Variants in ARHGAP31 observed in about 807,000 individuals in gnomAD.
The protein encoded by ARHGAP31 is rho GTPase-activating protein 31.
Under a neutral mutation model 113.9 loss-of-function variants are expected in ARHGAP31, and 34 were observed. The observed-to-expected ratio is 0.30, with a 90% CI of 0.23 to 0.40. ARHGAP31 has a LOEUF of 0.40. Among genes scored for constraint, ARHGAP31 ranks in the 10% least tolerant of loss-of-function variants. ARHGAP31 has a pLI of 1.00. For synonymous variants in ARHGAP31, 650 were observed against 684.8 expected (o/e 0.95, Z 0.79); for missense variants, 1,548 against 1,767.1 (o/e 0.88, Z 2.22).
At chr3:119,400,586 A>C (rs727905) in intron 9 of ARHGAP31, among the ~76,000 whole-genome samples, 126,476 of 152,214 alleles carry the variant, frequency 0.83, 52,803 homozygotes, top group African/African-American at 0.91. Context: ...CTTGGCAGTT[A>C]TTGCCCAGTT....
rs1216626435 is a variant in ARHGAP31, at chr3:119,415,260, C to A, written c.3331C>A (p.Pro1111Thr). Residue 1111 changes from proline to threonine, a missense_variant, in exon 12 of 12, where the codon CCT becomes ACT. Coordinates refer to ENST00000264245, the MANE Select transcript of ARHGAP31 (RefSeq NM_020754.4). ...CAGGCCTTCTTCCCTCAACTTGGAC[C>A]CTGCCATTCCCATTGCTGACCTCTT... ...KNRPSSLNLD[P>T]AIPIADLFWF... The A allele has an allele frequency of 6.2e-7, 1 of 1,614,186 alleles. No individual in the cohort carries two copies. Among genetic ancestry groups the A allele is most frequent in the Middle Eastern group, 1.6e-4 (1 of 6,062 alleles).
intron 1 of ARHGAP31, among the ~76,000 whole-genome samples, chr3:119,309,750 T>A (rs1245538798): frequency 6.6e-6 from 1 of 151,592 alleles, no homozygotes; most frequent in Non-Finnish European, 1.5e-5. Flanking sequence ...AGAGTGAGAC[T>A]CTGTCTCAAA....
intron 1 of ARHGAP31, among the ~76,000 whole-genome samples, chr3:119,339,766 AAGTT>A (rs2079991756): frequency 6.6e-6 from 1 of 152,234 alleles, no homozygotes. Flanking sequence ...CCTTATATAA[AAGTT>A]AGCTCAAAAG....
chr3:119,333,243 C>T (rs2079912628), intron 1 of ARHGAP31, among the ~76,000 whole-genome samples: 1 of 152,210 alleles, frequency 6.6e-6, no homozygotes, highest in South Asian at 2.1e-4. Flanking sequence ...TCTGAATTTT[C>T]ATTAATATTA....
At chr3:119,345,394 T>G in intron 1 of ARHGAP31, among the ~76,000 whole-genome samples, 1 of 152,098 alleles carries the variant, frequency 6.6e-6, no homozygotes, top group Admixed American at 6.5e-5. Context: ...CCCAGCACAC[T>G]GGGGTTATGG....
At chr3:119,306,481 T>TG (rs1451310239) in intron 1 of ARHGAP31, among the ~76,000 whole-genome samples, 1 of 152,278 alleles carries the variant, frequency 6.6e-6, no homozygotes, top group African/African-American at 2.4e-5. Context: ...TGCTTGAACC[T>TG]GGGAGGTGGA....
At chr3:119,373,940 C>G (rs1471673626) in intron 3 of ARHGAP31, among the ~76,000 whole-genome samples, 4 of 152,102 alleles carry the variant, frequency 2.6e-5, no homozygotes, top group Non-Finnish European at 5.9e-5. Context: ...AATTGATGTA[C>G]AAGTATGTCC....
intron 1 of ARHGAP31, among the ~76,000 whole-genome samples, chr3:119,297,286 C>T (rs9810251): frequency 0.054 from 8,261 of 152,204 alleles, 695 homozygotes; most frequent in African/African-American, 0.19. Flanking sequence ...GTGGACTCTC[C>T]CAAACATGTA....
chr3:119,416,164 C>G lies in ARHGAP31; in HGVS notation c.4235C>G (p.Pro1412Arg), dbSNP rs199565332. 31 of 1,614,076 alleles carry G rather than the reference C, an allele frequency of 1.9e-5. No homozygotes were observed. The highest frequency in any genetic ancestry group is 2.5e-5 in the Non-Finnish European group (30 of 1,180,046). The part of the protein sequence containing the change: ...GVTLRNKMTI[P>R]KNGQRLETST... ...ACACTTAGGAATAAAATGACCATCC[C>G]TAAGAATGGCCAGAGACTAGAGACC... is the stretch of plus-strand genomic sequence containing the variant. The change falls in exon 12 of 12, where the codon CCT becomes CGT. Residue 1412 changes from proline to arginine, a missense_variant. Transcript: ENST00000264245.
chr3:119,415,082 G>A lies in ARHGAP31; in HGVS notation c.3153G>A (p.Gly1051=). 6.2e-7 allele frequency: 1 copy of A among 1,613,030 alleles called. No individual in the cohort carries two copies. Among genetic ancestry groups the A allele is most frequent in the Non-Finnish European group, 8.5e-7 (1 of 1,178,936 alleles). ...GAAAGGAGCTAGGGACACACCTGGG[G>A]CACAGCAGTCCACAGATTAGGCAAG... ...AEGKELGTHL[G]HSSPQIRQGG... Residue 1051 remains glycine, a synonymous_variant, in exon 12 of 12, where the codon GGG becomes GGA. Coordinates refer to ENST00000264245, the MANE Select transcript of ARHGAP31 (RefSeq NM_020754.4).
intron 1 of ARHGAP31, among the ~76,000 whole-genome samples, chr3:119,323,284 G>A (rs979405042): frequency 6.6e-6 from 1 of 152,048 alleles, no homozygotes; most frequent in Non-Finnish European, 1.5e-5. Flanking sequence ...CAGAAGCGGG[G>A]AAACCCCAGG....
chr3:119,350,386 CAT>C (rs2080100742), intron 1 of ARHGAP31, among the ~76,000 whole-genome samples: 1 of 152,192 alleles, frequency 6.6e-6, no homozygotes, highest in Non-Finnish European at 1.5e-5. Flanking sequence ...CTGTTCTTCA[CAT>C]AGTCGTAGCT....
In ARHGAP31 at chr3:119,337,585, G is replaced by A. The variant is rs567236843; in HGVS notation, c.101-27731G>A. Among the ~76,000 whole-genome samples, 5 of 152,316 alleles carry A rather than the reference G, an allele frequency of 3.3e-5. No homozygotes were observed. In the South Asian group the frequency reaches 1.0e-3, roughly 32 times the overall value. On this transcript the variant is annotated intron_variant, in intron 1 of 11. Transcript: ENST00000264245. ...TGGCCCCACCCACATCCTGCTGATT[G>A]GTCCATTTTACAGAGAGCTGATTGG...
intron 1 of ARHGAP31, among the ~76,000 whole-genome samples, chr3:119,319,653 C>T (rs1390500635): frequency 6.6e-6 from 1 of 152,100 alleles, no homozygotes; most frequent in African/African-American, 2.4e-5. Context: ...GCATCATATC[C>T]CCTGGCTCTA....
intron 1 of ARHGAP31, among the ~76,000 whole-genome samples, chr3:119,318,294 A>G (rs1043092749): frequency 1.3e-5 from 2 of 152,174 alleles, no homozygotes; most frequent in African/African-American, 4.8e-5. Context: ...GTTTCTACGA[A>G]GTTTTCAAAT....
At chr3:119,320,363 AT>A (rs1350927500) in intron 1 of ARHGAP31, among the ~76,000 whole-genome samples, 1 of 152,194 alleles carries the variant, frequency 6.6e-6, no homozygotes, top group Admixed American at 6.5e-5. Context: ...AAGGGGCTAC[AT>A]GATCATTAGG....
Position 119,415,858 on chromosome 3 carries a change from G to A in ARHGAP31, c.3929G>A (p.Arg1310His), listed in dbSNP as rs779777663. ...GATGCAGTAGTGCAATGCAGAAAGCGCATGTCAGAGACAGAGCCATCTGGG... is the reference window on the plus strand; with the variant it reads ...GATGCAGTAGTGCAATGCAGAAAGCACATGTCAGAGACAGAGCCATCTGGG... ...TQDAVVQCRK[R>H]MSETEPSGDN... The change falls in exon 12 of 12, where the codon CGC becomes CAC. Residue 1310 changes from arginine (R) to histidine (H), a missense_variant. Transcript: ENST00000264245. 4.3e-6 allele frequency: 7 copies of A among 1,614,096 alleles called. No individual in the cohort carries two copies. Among genetic ancestry groups the A allele is most frequent in the East Asian group, 2.2e-5 (1 of 44,904 alleles).
intron 8 of ARHGAP31, among the ~76,000 whole-genome samples, chr3:119,397,428 A>C (rs2080562516): frequency 6.6e-6 from 1 of 152,252 alleles, no homozygotes; most frequent in Non-Finnish European, 1.5e-5. Flanking sequence ...AGCTCCTGGA[A>C]AACAAAGGCA....
intron 1 of ARHGAP31, among the ~76,000 whole-genome samples, chr3:119,347,405 T>C (rs1363146999): frequency 6.6e-6 from 1 of 152,240 alleles, no homozygotes; most frequent in African/African-American, 2.4e-5. Context: ...GCGAACCCAT[T>C]GATTTAAGAC....
Sources: gnomAD v4.1 joint callset for allele counts (sites outside exome capture counted in the v4.1 genomes callset) on GRCh38, gnomAD v4.1.1 for gene constraint, MANE v1.5 for transcripts, NCBI Gene and HGNC (gene_info 2026-07-23, HGNC 2026-07-21) for gene names.